The following PWWP2A variants were observed in gnomAD, a reference collection of about 807,000 sequenced individuals.
PWWP2A encodes the protein PWWP domain containing 2A, also known as PWWP domain-containing protein 2A.
PWWP2A carries 18 observed loss-of-function variants against 48.5 expected under a neutral mutation model. That is an observed-to-expected ratio of 0.37 (90% CI 0.26 to 0.55). PWWP2A has a LOEUF of 0.55. Ranked by LOEUF, PWWP2A falls within the 20% of genes least tolerant of loss-of-function variation. The pLI is 0.81. For missense variants in PWWP2A, 867 were observed against 976.4 expected, an observed-to-expected ratio of 0.89 and a Z score of 1.49; for synonymous variants, 396 against 387.7, an observed-to-expected ratio of 1.02 and a Z score of -0.25.
intron 1 of PWWP2A, among the ~76,000 whole-genome samples, chr5:160,097,209 T>A (rs555945653): frequency 2.6e-5 from 4 of 151,600 alleles, no homozygotes; most frequent in Non-Finnish European, 5.9e-5. Context: ...TGGGGGTATG[T>A]ACCTGTGATC....
chr5:160,118,663 G>GCGCGCGC, intron 1 of PWWP2A, 142 bp downstream of exon 1: 2 of 846,384 alleles, frequency 2.4e-6, no homozygotes, highest in Non-Finnish European at 3.3e-6. Context: ...CCCACTCGGA[G>GCGCGCGC]CGCGCGCCAC....
Position 160,092,829 on chromosome 5 carries a change from A to G in PWWP2A, c.1821T>C (p.Pro607=), listed in dbSNP as rs1427240008. ...ECSSSESFDF[P]PGSMHAPSTS... ...TGGAAGGTGCATGCATACTGCCTGG[A>G]GGAAAATCAAAGCTTTCAGAAGAAC... is the stretch of plus-strand genomic sequence containing the variant. The change falls in exon 2 of 2, where the codon CCT becomes CCC. Residue 607 remains proline, a synonymous_variant. Transcript: ENST00000307063. 1 of 1,551,690 alleles carries G rather than the reference A, an allele frequency of 6.4e-7. No homozygotes were observed. Among genetic ancestry groups the G allele is most frequent in the Non-Finnish European group, 8.7e-7 (1 of 1,146,980 alleles).
chr5:160,113,882 A>G (rs1757837846), intron 1 of PWWP2A, among the ~76,000 whole-genome samples: 1 of 152,250 alleles, frequency 6.6e-6, no homozygotes, highest in Admixed American at 6.5e-5. Flanking sequence ...ATGCAAGTAG[A>G]AAAAGCAAAG....
At chr5:160,118,653 C>T (rs1758388567) in intron 1 of PWWP2A, among the ~76,000 whole-genome samples, 152 bp downstream of exon 1, 1 of 147,934 alleles carries the variant, frequency 6.8e-6, no homozygotes, top group Non-Finnish European at 1.5e-5. Flanking sequence ...GCGCGCCTGC[C>T]CCACTCGGAG....
intron 1 of PWWP2A, among the ~76,000 whole-genome samples, chr5:160,104,750 A>G (rs1239589942): frequency 6.6e-6 from 1 of 152,110 alleles, no homozygotes; most frequent in African/African-American, 2.4e-5. Context: ...GTTTGCAGTG[A>G]GCCAAGATCG....
the PWWP2A span, among the ~76,000 whole-genome samples, chr5:160,049,887 G>C: frequency 2.6e-5 from 4 of 152,160 alleles, no homozygotes; most frequent in East Asian, 7.7e-4. Context: ...AGACCAGCCT[G>C]GCCAACACAA....
At chr5:160,089,742 C>T (rs1200123540), downstream of PWWP2A, 1 of 1,218,116 alleles carries the variant, frequency 8.2e-7, no homozygotes. Flanking sequence ...GTTTTAGCCA[C>T]GACTCTTACT....
chr5:160,091,220 G>A, downstream of PWWP2A: 14 of 970,538 alleles, frequency 1.4e-5, no homozygotes, highest in East Asian at 1.1e-4. Context: ...TATATTCCCT[G>A]ATAGGGCAAA....
intron 1 of PWWP2A, among the ~76,000 whole-genome samples, chr5:160,104,305 C>G (rs1347653038): frequency 2.0e-5 from 3 of 151,530 alleles, no homozygotes; most frequent in Non-Finnish European, 4.4e-5. Context: ...GTGACACACG[C>G]CTGTGGTCCC....
intron 1 of PWWP2A, among the ~76,000 whole-genome samples, chr5:160,108,213 A>G (rs371245712): frequency 1.8e-3 from 277 of 151,816 alleles, no homozygotes; most frequent in African/African-American, 6.3e-3. Flanking sequence ...AGGATTCTTT[A>G]GACTCAGAAT....
At chr5:160,050,337 C>T in the PWWP2A span, among the ~76,000 whole-genome samples, 1 of 151,792 alleles carries the variant, frequency 6.6e-6, no homozygotes, top group South Asian at 2.1e-4. Context: ...ATCCCAGCTA[C>T]TCGAGAGGCT....
chr5:160,052,548 CAAAAAAAAAAAAAAAAA>C, the PWWP2A span, among the ~76,000 whole-genome samples: 2 of 68,070 alleles, frequency 2.9e-5, no homozygotes, highest in Non-Finnish European at 5.2e-5. Flanking sequence ...TCTATTTTAG[CAAAAAAAAAAAAAAAAA>C]AAAAAAAAAC....
intron 1 of PWWP2A, among the ~76,000 whole-genome samples, chr5:160,112,126 CAA>C (rs11480893): frequency 4.4e-5 from 4 of 90,870 alleles, no homozygotes; most frequent in Non-Finnish European, 6.1e-5. Flanking sequence ...GACCCTTTCT[CAA>C]AAAAAAAAAA....
intron 1 of PWWP2A, among the ~76,000 whole-genome samples, chr5:160,095,181 C>A (rs1439998306): frequency 6.8e-6 from 1 of 146,516 alleles, no homozygotes; most frequent in Non-Finnish European, 1.5e-5. Context: ...TACATAATTT[C>A]TTTTCTACTC....
At chr5:160,091,069 T>C (rs1172844899), downstream of PWWP2A, 1 of 984,798 alleles carries the variant, frequency 1.0e-6, no homozygotes, top group East Asian at 1.1e-4. Flanking sequence ...GACTAAAAAT[T>C]AAAATTCACA....
exon 6 of PWWP2A, chr5:160,061,873 C>G (rs1348330579): frequency 2.6e-5 from 4 of 152,234 alleles, no homozygotes; most frequent in Admixed American, 2.6e-4. Flanking sequence ...AGGCTGTTGG[C>G]AGAGTTGGCA....
intron 1 of PWWP2A, 76 bp from the exon 2 acceptor site, chr5:160,094,141 T>A (rs1395431992): frequency 7.1e-7 from 1 of 1,408,500 alleles, no homozygotes; most frequent in African/African-American, 1.4e-5. Context: ...GTAAACAACA[T>A]CTGATGCTTA....
At position 160,118,930 on chromosome 5, in the gene PWWP2A, C is replaced by T; in HGVS notation, c.459G>A (p.Val153=). The change falls in exon 1 of 2, where the codon GTG becomes GTA. Residue 153 remains valine (V), a synonymous_variant. Coordinates refer to ENST00000307063, the MANE Select transcript of PWWP2A (RefSeq NM_001130864.2). ...LVPPAGGDST[V]SQLIPGSEVR... is the part of the protein sequence containing the mutation. ...CCTCCGAGCCCGGGATCAGTTGCGA[C>T]ACCGTGGAGTCCCCGCCCGCCGGCG... The T allele has an allele frequency of 6.2e-7, 1 of 1,600,146 alleles. No individual in the cohort carries two copies.
chr5:160,054,835 T>C, the PWWP2A span, among the ~76,000 whole-genome samples: 1 of 152,142 alleles, frequency 6.6e-6, no homozygotes. Context: ...AATTTTACAG[T>C]AGTAAATTTT....
Sources: allele counts gnomAD v4.1 joint callset (sites outside exome capture counted in the v4.1 genomes callset), GRCh38; gene constraint gnomAD v4.1.1; transcripts MANE v1.5; gene names NCBI Gene and HGNC (gene_info 2026-07-23, HGNC 2026-07-21).